The following PLD3 variants were observed in gnomAD, a reference collection of about 807,000 sequenced individuals.
The protein encoded by PLD3 is 5'-3' exonuclease PLD3.
Under a neutral mutation model 58.4 loss-of-function variants are expected in PLD3, and 31 were observed. The ratio of observed to expected loss-of-function variants is 0.53; its 90% CI spans 0.40 to 0.72. The LOEUF (loss-of-function observed/expected upper bound fraction) is 0.72, where lower values mean the gene tolerates loss of function less well. PLD3 is among the 30% of genes least tolerant of loss of function. PLD3 has a pLI of 0.00. For missense variants in PLD3, 595 were observed against 659.8 expected (o/e 0.90, Z 1.08); for synonymous variants, 264 against 273.4 (o/e 0.97, Z 0.34).
In PLD3 at chr19:40,372,126, C is replaced by T. The variant is rs558556452; in HGVS notation, c.879+253C>T. Among the ~76,000 whole-genome samples, 4 of 152,222 alleles carry T rather than the reference C, an allele frequency of 2.6e-5. No homozygotes were observed. In the East Asian group the frequency reaches 5.8e-4, roughly 22 times the overall value. On this transcript the variant is annotated intron_variant, in intron 9 of 12. Coordinates refer to ENST00000409735, the MANE Select transcript of PLD3 (RefSeq NM_012268.4). ...GTACCCTGGGTTCATGCACACCAAACCTTTGGTGCTCTATATCATCCAGTA... is the reference window on the plus strand; with the variant it reads ...GTACCCTGGGTTCATGCACACCAAATCTTTGGTGCTCTATATCATCCAGTA...
intron 1 of PLD3, among the ~76,000 whole-genome samples, chr19:40,360,945 C>A (rs897035605): frequency 6.6e-6 from 1 of 152,154 alleles, no homozygotes; most frequent in Non-Finnish European, 1.5e-5. Context: ...ATTATGCTTG[C>A]GTGGGACACA....
chr19:40,374,472 C>T lies in PLD3; in HGVS notation c.880-9C>T, dbSNP rs372052627. 10 of 1,613,708 alleles carry T rather than the reference C, an allele frequency of 6.2e-6. No homozygotes were observed. The highest frequency in any genetic ancestry group is 4.0e-5 in the African/African-American group (3 of 74,906). On this transcript the variant is annotated splice_polypyrimidine_tract_variant and intron_variant, in intron 9 of 12. Transcript: ENST00000409735. ...AGGGCACATGTCTTAACTGTCCCCT[C>T]GCCCTCAGAGTGCGCCCCCACCCCT... is the stretch of plus-strand genomic sequence containing the variant.
rs185233509 is a variant in PLD3, at chr19:40,376,034, T to C, written c.1020-575T>C. Among the ~76,000 whole-genome samples the C allele has an allele frequency of 4.0e-5, 6 of 150,104 alleles. No individual in the cohort carries two copies. The Admixed American group carries it at 4.0e-4, about 10-fold the overall frequency. ...TGCCACTACACTCCAGCCTGGGTGA[T>C]AGAGCAAGAACCTGTCTCAAAAAGA... is the stretch of plus-strand genomic sequence containing the variant. On this transcript the variant is annotated intron_variant, in intron 10 of 12. Coordinates refer to ENST00000409735, the MANE Select transcript of PLD3 (RefSeq NM_012268.4).
At chr19:40,351,119 C>T (rs1291541426) in intron 1 of PLD3, among the ~76,000 whole-genome samples, 1 of 151,792 alleles carries the variant, frequency 6.6e-6, no homozygotes, top group African/African-American at 2.4e-5. Context: ...GTCCCAGCTA[C>T]TTGGGAGGCT....
At chr19:40,350,405 G>T (rs1000829605) in intron 1 of PLD3, among the ~76,000 whole-genome samples, 1 of 151,882 alleles carries the variant, frequency 6.6e-6, no homozygotes, top group African/African-American at 2.4e-5. Context: ...CTATATATGT[G>T]CCCAACACTG....
chr19:40,365,582 C>G (rs1190641343), intron 1 of PLD3, 136 bp from the exon 2 acceptor site: 1 of 152,234 alleles, frequency 6.6e-6, no homozygotes, highest in East Asian at 1.9e-4. Context: ...CACAAATTCA[C>G]AAGGTTTGTA....
Position 40,374,531 on chromosome 19 carries a change from T to C in PLD3, c.930T>C (p.Ala310=), listed in dbSNP as rs2079145889. The change falls in exon 10 of 13, where the codon GCT becomes GCC. Residue 310 remains alanine (A), a synonymous_variant. Transcript: ENST00000409735. ...GTGGCCGCACTCCAGACCTGAAGGC[T>C]CTACTCAACGTGGTGGACAATGCCC... ...CPSGRTPDLK[A]LLNVVDNARS... is the part of the protein sequence containing the mutation. The C allele has an allele frequency of 1.2e-6, 2 of 1,614,156 alleles. No homozygotes were observed. The highest frequency in any genetic ancestry group is 8.5e-7 in the Non-Finnish European group (1 of 1,180,010).
intron 1 of PLD3, chr19:40,357,324 C>T (rs913473467): frequency 3.3e-5 from 5 of 152,208 alleles, no homozygotes; most frequent in African/African-American, 9.7e-5. Flanking sequence ...CTGCTGGGCT[C>T]AAGCGATCCT....
intron 9 of PLD3, among the ~76,000 whole-genome samples, chr19:40,374,113 T>C (rs2079133359): frequency 6.6e-6 from 1 of 151,928 alleles, no homozygotes; most frequent in African/African-American, 2.4e-5. Context: ...TCTGATTCAG[T>C]AGGCCATGTG....
At chr19:40,355,607 G>A (rs1600264915) in intron 1 of PLD3, among the ~76,000 whole-genome samples, 1 of 139,260 alleles carries the variant, frequency 7.2e-6, no homozygotes, top group Non-Finnish European at 1.5e-5. Flanking sequence ...CCACCGTGCC[G>A]GCTCCTTTTT....
At chr19:40,367,528 C>T (rs2078956776) in intron 5 of PLD3, 168 bp from the exon 6 acceptor site, 7 of 572,118 alleles carry the variant, frequency 1.2e-5, no homozygotes, top group Non-Finnish European at 2.1e-5. Flanking sequence ...CTGCAGTGAG[C>T]TGAGATGGCG....
chr19:40,377,690 C>A, intron 11 of PLD3, 96 bp from the exon 12 acceptor site: 1 of 846,100 alleles, frequency 1.2e-6, no homozygotes, highest in Non-Finnish European at 2.0e-6. Context: ...GCAGTGGAGT[C>A]CCACAGATCT....
intron 1 of PLD3, among the ~76,000 whole-genome samples, chr19:40,363,619 G>C (rs8103841): frequency 0.85 from 128,924 of 152,132 alleles, 54,682 homozygotes; most frequent in Admixed American, 0.88. Context: ...TTGGTAGAGA[G>C]AGGGTTTCAC....
intron 6 of PLD3, 31 bp downstream of exon 6, chr19:40,367,910 AGGGGCAGGGGGTGGGAGGCAGCG>A (rs1243599466): frequency 1.3e-6 from 2 of 1,514,202 alleles, no homozygotes; most frequent in African/African-American, 2.8e-5. Flanking sequence ...GGCCGGCAGC[AGGGGCAGGGGGTGGGAGGCAGCG>A]GGGGCTGTGG....
chr19:40,366,556 G>C, intron 3 of PLD3, 46 bp downstream of exon 3: 1 of 1,594,688 alleles, frequency 6.3e-7, no homozygotes, highest in South Asian at 1.1e-5. Context: ...GGTACAGTGG[G>C]GGTGGGGGTT....
chr19:40,375,134 C>T (rs974554197), intron 10 of PLD3, among the ~76,000 whole-genome samples: 22 of 151,130 alleles, frequency 1.5e-4, no homozygotes, highest in Non-Finnish European at 2.1e-4. Context: ...CCAGCCTGTG[C>T]GACAGACAGA....
At chr19:40,349,811 A>G (rs1249249974) in intron 1 of PLD3, among the ~76,000 whole-genome samples, 2 of 150,824 alleles carry the variant, frequency 1.3e-5, no homozygotes, top group Non-Finnish European at 2.9e-5. Context: ...ATACAAAATT[A>G]GCCGGGCGTG....
chr19:40,355,612 CTTTTTTTTTTTTT>C lies in PLD3; in HGVS notation c.-279+6857_-279+6869del, dbSNP rs60422933. 1.2e-4 allele frequency among the ~76,000 whole-genome samples: 10 copies of C among 81,106 alleles called. No individual in the cohort carries two copies. In the South Asian group the frequency reaches 1.5e-3, roughly 12 times the overall value. 53.2% of individuals were successfully genotyped at this position (81,106 alleles called of 152,430 possible). ...CAGGTGTGAGCCACCGTGCCGGCTC[CTTTTTTTTTTTTT>C]TTTTTTTTTTTTCCTGCAATCTCAG... On this transcript the variant is annotated intron_variant, in intron 1 of 12. Transcript: ENST00000409735.
chr19:40,359,891 CT>C (rs2078740399), intron 1 of PLD3: 1 of 152,018 alleles, frequency 6.6e-6, no homozygotes, highest in African/African-American at 2.4e-5. Context: ...GAGATGAGTC[CT>C]GCTGTGTTGT....
Sources: allele counts gnomAD v4.1 joint callset (sites outside exome capture counted in the v4.1 genomes callset), GRCh38; gene constraint gnomAD v4.1.1; transcripts MANE v1.5; gene names NCBI Gene and HGNC (gene_info 2026-07-23, HGNC 2026-07-21).